MKLN1: variants seen among roughly 807,000 people sequenced by gnomAD.
MKLN1 encodes muskelin 1.
A neutral mutation model predicts 99.0 loss-of-function variants in MKLN1; 18 were observed. The ratio of observed to expected loss-of-function variants is 0.18; its 90% CI spans 0.13 to 0.27. The LOEUF is 0.27. Among genes scored for constraint, MKLN1 ranks in the 10% least tolerant of loss-of-function variants. MKLN1 has a pLI of 1.00. For missense variants in MKLN1, 621 were observed against 875.9 expected (o/e 0.71, Z 3.67); for synonymous variants, 288 against 293.2 (o/e 0.98, Z 0.18).
intron 16 of MKLN1, among the ~76,000 whole-genome samples, chr7:131,473,713 G>A (rs928541160): frequency 1.3e-5 from 2 of 152,062 alleles, no homozygotes; most frequent in African/African-American, 4.8e-5. Flanking sequence ...GTTGTGTATC[G>A]ATTCCCCATA....
chr7:131,275,567 A>ATATATATTTTTT (rs1336398554), intron 3 of MKLN1, among the ~76,000 whole-genome samples: 1 of 5,620 alleles, frequency 1.8e-4, no homozygotes, highest in African/African-American at 4.0e-4. Flanking sequence ...ATATATATAT[A>ATATATATTTTTT]TTTTTTTTTT....
intron 2 of MKLN1, among the ~76,000 whole-genome samples, chr7:131,181,380 A>C (rs1046481807): frequency 1.3e-5 from 2 of 152,230 alleles, no homozygotes; most frequent in African/African-American, 4.8e-5. Context: ...ATTTAGTATG[A>C]GTTTAATGTT....
chr7:131,464,564 C>T (rs1336820839), intron 14 of MKLN1, among the ~76,000 whole-genome samples, 156 bp downstream of exon 14: 1 of 152,200 alleles, frequency 6.6e-6, no homozygotes, highest in East Asian at 1.9e-4. Context: ...TCACTTCTCC[C>T]TAAAATTCCT....
At chr7:131,441,793 G>A (rs1795848949) in intron 10 of MKLN1, among the ~76,000 whole-genome samples, 1 of 152,180 alleles carries the variant, frequency 6.6e-6, no homozygotes, top group South Asian at 2.1e-4. Context: ...AAGTAGAAAG[G>A]TAGGGGGTTG....
intron 1 of MKLN1, among the ~76,000 whole-genome samples, chr7:131,356,359 G>A (rs368336275): frequency 1.7e-3 from 260 of 152,124 alleles, no homozygotes; most frequent in African/African-American, 5.9e-3. Context: ...CCTGATGGTC[G>A]CCTAACACTC....
intron 8 of MKLN1, among the ~76,000 whole-genome samples, chr7:131,423,711 C>T (rs563107320): frequency 6.6e-6 from 1 of 152,106 alleles, no homozygotes; most frequent in Non-Finnish European, 1.5e-5. Flanking sequence ...GAAGAGAGTG[C>T]CTAAACATGG....
At chr7:131,174,025 C>G (rs1206332854) in intron 2 of MKLN1, among the ~76,000 whole-genome samples, 8 of 143,434 alleles carry the variant, frequency 5.6e-5, no homozygotes, top group Non-Finnish European at 6.0e-5. Flanking sequence ...CCAGGCTGGA[C>G]TGCAGTGGCA....
At chr7:131,443,459 A>G (rs563827370) in intron 10 of MKLN1, 22 bp from the exon 11 acceptor site, 18 of 1,527,774 alleles carry the variant, frequency 1.2e-5, no homozygotes, top group Non-Finnish European at 1.5e-5. Context: ...AAACTATTCA[A>G]TCTGTTGCCT....
chr7:131,246,556 G>A (rs1389252242), intron 3 of MKLN1, among the ~76,000 whole-genome samples: 1 of 151,700 alleles, frequency 6.6e-6, no homozygotes, highest in Non-Finnish European at 1.5e-5. Flanking sequence ...TTCTATTGCA[G>A]TCTTTGCCTT....
At chr7:131,410,582 A>C (rs6966551) in intron 6 of MKLN1, among the ~76,000 whole-genome samples, 1 of 152,058 alleles carries the variant, frequency 6.6e-6, no homozygotes, top group African/African-American at 2.4e-5. Context: ...TTGGAGCTCT[A>C]TTTTCTTCTC....
At chr7:131,130,965 T>C (rs1203244405) in intron 1 of MKLN1, among the ~76,000 whole-genome samples, 1 of 149,968 alleles carries the variant, frequency 6.7e-6, no homozygotes, top group Non-Finnish European at 1.5e-5. Flanking sequence ...GGTGGGAGGA[T>C]TGCTTGATTC....
chr7:131,186,111 C>T lies in MKLN1; in HGVS notation c.-296-16746C>T, dbSNP rs551773408. Among the ~76,000 whole-genome samples, 3 of 152,160 alleles carry T rather than the reference C, an allele frequency of 2.0e-5. No individual in the cohort carries two copies. The South Asian group carries it at 6.2e-4, about 32-fold the overall frequency. On this transcript the variant is annotated intron_variant, in intron 2 of 7. Transcript: ENST00000416992. ...GAGACTGAGACAGGAGAATTCCTTG[C>T]ACCCGGAAGGTGGAGGTTGCAATGA...
chr7:131,300,348 T>C (rs533237369), intron 3 of MKLN1, among the ~76,000 whole-genome samples: 8 of 151,166 alleles, frequency 5.3e-5, no homozygotes, highest in African/African-American at 1.9e-4. Flanking sequence ...AGAGACAAGT[T>C]TGGAGGGTGG....
Position 131,388,893 on chromosome 7 carries a change from G to A in MKLN1, c.321G>A (p.Lys107=). 1 of 1,606,652 alleles carries A rather than the reference G, an allele frequency of 6.2e-7. No homozygotes were observed. Residue 107 remains lysine (K), a synonymous_variant, in exon 4 of 18, where the codon AAG becomes AAA. Coordinates refer to ENST00000352689, the MANE Select transcript of MKLN1 (RefSeq NM_013255.5). Reference sequence around the variant, plus strand: ...TATTTTTTTCCCACAGTGGCTTAAAGAATGATTATAACAAAGAAACATTCA... The same window carrying A: ...TATTTTTTTCCCACAGTGGCTTAAAAAATGATTATAACAAAGAAACATTCA... ...NMTELLSSGL[K]NDYNKETFTL...
intron 3 of MKLN1, among the ~76,000 whole-genome samples, chr7:131,299,473 G>A (rs1292216941): frequency 6.6e-6 from 1 of 152,138 alleles, no homozygotes. Flanking sequence ...TCCTTGGAGA[G>A]AGAAATATAA....
chr7:131,337,493 C>A (rs1355666478), intron 1 of MKLN1, among the ~76,000 whole-genome samples: 1 of 151,936 alleles, frequency 6.6e-6, no homozygotes, highest in Non-Finnish European at 1.5e-5. Context: ...TGCTTTTTAA[C>A]CCCATCTATT....
chr7:131,494,823 T>C lies in MKLN1; in HGVS notation c.*7095T>C, dbSNP rs1446934926. 1 of 152,254 alleles carries C rather than the reference T, an allele frequency of 6.6e-6. No homozygotes were observed. The highest frequency in any genetic ancestry group is 1.5e-5 in the Non-Finnish European group (1 of 68,042). The allele number at this position is 152,254 out of a possible 1,614,324, so 9.4% of individuals were successfully genotyped here. On this transcript the variant is annotated 3_prime_UTR_variant, in exon 18 of 18. Coordinates refer to ENST00000352689, the MANE Select transcript of MKLN1 (RefSeq NM_013255.5). ...AGTAGATAGTATAGTATTAATTAAC[T>C]ACTTTGTATAGTCTTCTGCATAATT...
chr7:131,263,955 G>C (rs1177676158), intron 3 of MKLN1, among the ~76,000 whole-genome samples: 4 of 152,108 alleles, frequency 2.6e-5, no homozygotes, highest in Non-Finnish European at 5.9e-5. Flanking sequence ...CCAGGATATA[G>C]CCTTTATCCT....
intron 1 of MKLN1, among the ~76,000 whole-genome samples, chr7:131,336,467 T>C (rs1799253733): frequency 7.6e-6 from 1 of 131,170 alleles, no homozygotes; most frequent in Non-Finnish European, 1.8e-5. Flanking sequence ...GTCATTTTAT[T>C]GTTTTCTGTT....
Sources: allele counts gnomAD v4.1 joint callset (sites outside exome capture counted in the v4.1 genomes callset), GRCh38; gene constraint gnomAD v4.1.1; transcripts MANE v1.5; gene names NCBI Gene and HGNC (gene_info 2026-07-23, HGNC 2026-07-21).